The following WASF1 variants were observed in gnomAD, a reference collection of about 807,000 sequenced individuals.
WASF1 encodes WASP family member 1.
A neutral mutation model predicts 50.5 loss-of-function variants in WASF1; 7 were observed. That is an observed-to-expected ratio of 0.14 (90% confidence interval 0.08 to 0.26). WASF1 has a LOEUF of 0.26. Ranked by LOEUF, WASF1 falls within the 10% of genes least tolerant of loss-of-function variation. WASF1 has a pLI of 1.00. For synonymous variants in WASF1, 205 were observed against 244.0 expected, an observed-to-expected ratio of 0.84 and a Z score of 1.49; for missense variants, 470 against 694.7, an observed-to-expected ratio of 0.68 and a Z score of 3.64.
Position 110,112,332 on chromosome 6 carries a change from G to A in WASF1, c.268+994C>T, listed in dbSNP as rs570148088. Among the ~76,000 whole-genome samples, 6 of 151,880 alleles carry A rather than the reference G, an allele frequency of 4.0e-5. No individual in the cohort carries two copies. In the South Asian group the frequency reaches 1.3e-3, roughly 32 times the overall value. The stretch of plus-strand genomic sequence containing the variant: ...TAGGTAAGTGCAAATTATGTTCTTA[G>A]TATTGCATTTCTTTTTGTGAAACAA... On this transcript the variant is annotated intron_variant, in intron 5 of 10. Coordinates refer to ENST00000392589, the MANE Select transcript of WASF1 (RefSeq NM_003931.3).
intron 3 of WASF1, among the ~76,000 whole-genome samples, chr6:110,128,822 C>T (rs1302858085): frequency 6.6e-6 from 1 of 152,154 alleles, no homozygotes; most frequent in African/African-American, 2.4e-5. Flanking sequence ...GCCTGAGTTC[C>T]ACCACCTGTC....
chr6:110,103,746 T>TTACTTGTTG (rs1773196148), intron 8 of WASF1, among the ~76,000 whole-genome samples, 189 bp from the exon 9 acceptor site: 1 of 152,204 alleles, frequency 6.6e-6, no homozygotes, highest in African/African-American at 2.4e-5. Flanking sequence ...AATATAACCC[T>TTACTTGTTG]TACTTGTTGA....
intron 3 of WASF1, among the ~76,000 whole-genome samples, chr6:110,130,698 C>T (rs1274289058): frequency 2.0e-5 from 3 of 152,150 alleles, no homozygotes; most frequent in Non-Finnish European, 4.4e-5. Context: ...TCTTAGTGTA[C>T]ACATTTCTAT....
At chr6:110,152,090 A>ACCTC (rs1457304418) in intron 3 of WASF1, among the ~76,000 whole-genome samples, 1 of 152,194 alleles carries the variant, frequency 6.6e-6, no homozygotes, top group Non-Finnish European at 1.5e-5. Context: ...GGTTTTAAAG[A>ACCTC]TATAATTATG....
chr6:110,177,210 C>T (rs1402024675), intron 2 of WASF1: 3 of 151,882 alleles, frequency 2.0e-5, no homozygotes, highest in African/African-American at 4.8e-5. Context: ...ACAAAAAGGG[C>T]CTTAATATTT....
chr6:110,111,767 G>T (rs921387668), intron 5 of WASF1, among the ~76,000 whole-genome samples: 1 of 152,098 alleles, frequency 6.6e-6, no homozygotes, highest in Admixed American at 6.5e-5. Flanking sequence ...GATTGCTAGG[G>T]GTTGAGCTGA....
chr6:110,168,894 C>T (rs541818728), intron 2 of WASF1, among the ~76,000 whole-genome samples: 13 of 152,178 alleles, frequency 8.5e-5, no homozygotes, highest in African/African-American at 2.9e-4. Context: ...TGTCATTCTC[C>T]TCTACTTTCA....
At chr6:110,123,567 G>C (rs1194734183) in intron 4 of WASF1, among the ~76,000 whole-genome samples, 1 of 152,094 alleles carries the variant, frequency 6.6e-6, no homozygotes, top group Non-Finnish European at 1.5e-5. Flanking sequence ...CTGTAAAATA[G>C]GAATAAAAAC....
chr6:110,168,158 A>T (rs546794238), intron 2 of WASF1, among the ~76,000 whole-genome samples: 1 of 152,080 alleles, frequency 6.6e-6, no homozygotes, highest in Non-Finnish European at 1.5e-5. Flanking sequence ...GACCTCTCAC[A>T]TAACAGTTAA....
At chr6:110,135,810 T>G (rs1484973261) in intron 3 of WASF1, among the ~76,000 whole-genome samples, 1 of 148,256 alleles carries the variant, frequency 6.7e-6, no homozygotes, top group South Asian at 2.1e-4. Context: ...AGATCAAGTG[T>G]AGTTTTGGTT....
At chr6:110,167,060 C>G (rs1226734340) in intron 2 of WASF1, among the ~76,000 whole-genome samples, 1 of 151,736 alleles carries the variant, frequency 6.6e-6, no homozygotes, top group Non-Finnish European at 1.5e-5. Flanking sequence ...TTCCTATCAC[C>G]TAGTAACACT....
At chr6:110,161,339 A>C (rs1218958052) in intron 2 of WASF1, among the ~76,000 whole-genome samples, 1 of 151,598 alleles carries the variant, frequency 6.6e-6, no homozygotes, top group Non-Finnish European at 1.5e-5. Context: ...GGAACTAACT[A>C]GTCTAAAGTT....
At chr6:110,168,030 G>A (rs1354306705) in intron 2 of WASF1, among the ~76,000 whole-genome samples, 1 of 151,938 alleles carries the variant, frequency 6.6e-6, no homozygotes, top group Non-Finnish European at 1.5e-5. Context: ...AGCATCTTAT[G>A]TTAATATAGA....
chr6:110,143,253 C>A (rs2114558762), intron 3 of WASF1, among the ~76,000 whole-genome samples: 1 of 151,980 alleles, frequency 6.6e-6, no homozygotes, highest in African/African-American at 2.4e-5. Context: ...TAAGATCTCA[C>A]AATATCTTAT....
intron 3 of WASF1, among the ~76,000 whole-genome samples, chr6:110,138,791 T>C (rs757535330): frequency 7.9e-5 from 12 of 152,182 alleles, no homozygotes; most frequent in African/African-American, 1.4e-4. Context: ...GATTGGTCCA[T>C]AGGCGGCCAT....
intron 4 of WASF1, among the ~76,000 whole-genome samples, chr6:110,123,524 T>G (rs1048155056): frequency 6.6e-6 from 1 of 152,188 alleles, no homozygotes; most frequent in Non-Finnish European, 1.5e-5. Context: ...ATTTGTTCTA[T>G]TCACTGTGAG....
intron 9 of WASF1, among the ~76,000 whole-genome samples, 186 bp from the exon 10 acceptor site, chr6:110,102,402 A>G (rs1359746263): frequency 2.0e-5 from 3 of 152,244 alleles, no homozygotes; most frequent in Non-Finnish European, 2.9e-5. Flanking sequence ...CACATCAATA[A>G]AAAAATTAAT....
At chr6:110,104,366 A>T (rs181219161) in intron 8 of WASF1, among the ~76,000 whole-genome samples, 24 of 152,366 alleles carry the variant, frequency 1.6e-4, no homozygotes, top group African/African-American at 5.5e-4. Context: ...TTCTTTCAGT[A>T]ATACAGATAA....
Position 110,101,788 on chromosome 6 carries a change from G to A in WASF1, c.1322C>T (p.Ser441Leu), listed in dbSNP as rs1324691500. 2 of 1,614,150 alleles carry A rather than the reference G, an allele frequency of 1.2e-6. No homozygotes were observed. Among genetic ancestry groups the A allele is most frequent in the Non-Finnish European group, 1.7e-6 (2 of 1,180,016 alleles). Residue 441 changes from serine (S) to leucine (L), a missense_variant, in exon 10 of 11, where the codon TCA becomes TTA. Transcript: ENST00000392589. ...PLPPPGIRPS[S>L]PVTVTALAHP... ...AGCAAGAGCTGTAACTGTGACAGGT[G>A]ATGATGGTCGAATGCCAGGTGGAGG...
Sources: gnomAD v4.1 joint callset for allele counts (sites outside exome capture counted in the v4.1 genomes callset) on GRCh38, gnomAD v4.1.1 for gene constraint, MANE v1.5 for transcripts, NCBI Gene and HGNC (gene_info 2026-07-23, HGNC 2026-07-21) for gene names.